DHX29: variants seen among roughly 807,000 people sequenced by gnomAD.
The protein encoded by DHX29 is ATP-dependent RNA helicase DHX29.
DHX29 carries 79 observed loss-of-function variants against 167.9 expected under a neutral mutation model. That is an observed-to-expected ratio of 0.47 (90% CI 0.39 to 0.57). The LOEUF is 0.57. Among genes scored for constraint, DHX29 ranks in the 20% least tolerant of loss-of-function variants. The pLI, the probability that DHX29 is intolerant of heterozygous loss-of-function variation, is 0.00. For synonymous variants in DHX29, 530 were observed against 546.0 expected, an observed-to-expected ratio of 0.97 and a Z score of 0.41; for missense variants, 1,347 against 1,593.4, an observed-to-expected ratio of 0.85 and a Z score of 2.63.
chr5:55,262,278 C>T (rs987095520), intron 24 of DHX29, among the ~76,000 whole-genome samples: 1 of 152,162 alleles, frequency 6.6e-6, no homozygotes, highest in African/African-American at 2.4e-5. Context: ...CAATATTCCC[C>T]TTATTTGGAA....
chr5:55,294,123 A>G lies in DHX29; in HGVS notation c.674T>C (p.Met225Thr), dbSNP rs768057985. The change falls in exon 6 of 27, where the codon ATG (methionine) becomes ACG (threonine). Residue 225 changes from methionine to threonine, a missense_variant. Physicochemically the swap from Met to Thr is moderately conservative, Grantham distance 81 (BLOSUM62 -1). Transcript: ENST00000251636. Reference protein sequence around the residue: ...KSKPKKEEKNMEVNMKEWILR... With the variant: ...KSKPKKEEKNTEVNMKEWILR... Reference sequence around the variant, plus strand: ...AATCCACTCTTTCATATTTACTTCCATATTTTTTTCTTCCTTTTTTGGCTA... The same window carrying G: ...AATCCACTCTTTCATATTTACTTCCGTATTTTTTTCTTCCTTTTTTGGCTA... 50 of 1,593,484 alleles carry G rather than the reference A, an allele frequency of 3.1e-5. No individual in the cohort carries two copies. In the African/African-American group the frequency reaches 6.1e-4, roughly 19 times the overall value.
intron 3 of DHX29, among the ~76,000 whole-genome samples, chr5:55,297,051 A>G: frequency 6.6e-6 from 1 of 152,234 alleles, no homozygotes; most frequent in East Asian, 1.9e-4. Flanking sequence ...CTAACATAGT[A>G]GGTGCTCAAT....
Position 55,269,505 on chromosome 5 carries a change from G to C in DHX29, c.3202C>G (p.Pro1068Ala). The C allele has an allele frequency of 6.2e-7, 1 of 1,614,122 alleles. No individual in the cohort carries two copies. Among genetic ancestry groups the C allele is most frequent in the Admixed American group, 1.7e-5 (1 of 60,016 alleles). ...ACELNEPKLTPLGQHLAALPV... is the reference protein window; with the variant it reads ...ACELNEPKLTALGQHLAALPV... ...AAAGCTGCAAGGTGTTGGCCCAACG[G>C]AGTCAGTTTAGGCTCATTTAATTCA... The change falls in exon 21 of 27, where the codon CCG becomes GCG. Residue 1068 changes from proline (P) to alanine (A), a missense_variant. Pro to Ala is a conservative substitution (Grantham distance 27, BLOSUM62 -1). Around this residue, in one of 3 missense-constraint regions of DHX29, gnomAD observed 882 missense variants for 1,082.4 expected, o/e 0.81. Transcript: ENST00000251636.
At chr5:55,282,690 C>CATAT (rs1747493289) in intron 11 of DHX29, among the ~76,000 whole-genome samples, 1 of 152,064 alleles carries the variant, frequency 6.6e-6, no homozygotes, top group South Asian at 2.1e-4. Context: ...GCCAGTTTTG[C>CATAT]ATATACTTGC....
At chr5:55,275,131 A>T in intron 14 of DHX29, 121 bp from the exon 15 acceptor site, 1 of 1,167,288 alleles carries the variant, frequency 8.6e-7, no homozygotes, top group South Asian at 1.5e-5. Flanking sequence ...TGTCACCATT[A>T]CTATTTTGTT....
At chr5:55,258,865 C>G (rs902611114) in intron 26 of DHX29, among the ~76,000 whole-genome samples, 3 of 152,052 alleles carry the variant, frequency 2.0e-5, no homozygotes, top group Non-Finnish European at 2.9e-5. Flanking sequence ...TTTCAGATTT[C>G]TGTTGAAGGA....
In DHX29 at chr5:55,281,459, C is replaced by A; in HGVS notation, c.2022G>T (p.Arg674Ser). 1 of 1,596,818 alleles carries A rather than the reference C, an allele frequency of 6.3e-7. No homozygotes were observed. Among genetic ancestry groups the A allele is most frequent in the Non-Finnish European group, 8.5e-7 (1 of 1,171,556 alleles). Residue 674 changes from arginine to serine, a missense_variant, in exon 12 of 27, where the codon AGG becomes AGT. This residue lies in a region of DHX29 where 882 missense variants were observed against 1,082.4 expected (regional missense o/e 0.81). Transcript: ENST00000251636. ...RMESRACEST[R>S]LLYCTTGVLL... is the part of the protein sequence containing the mutation. Reference sequence around the variant, plus strand: ...AAACCCCTGTTGTACAATAGAGTAACCTGGTAGATTCACAAGCTCGAGATT... The same window carrying A: ...AAACCCCTGTTGTACAATAGAGTAAACTGGTAGATTCACAAGCTCGAGATT...
chr5:55,292,739 C>A (rs2111943844), intron 6 of DHX29, among the ~76,000 whole-genome samples: 1 of 152,240 alleles, frequency 6.6e-6, no homozygotes, highest in East Asian at 1.9e-4. Context: ...CTGAAAGACT[C>A]CTTGTACAAT....
chr5:55,264,254 A>G (rs536025014), intron 23 of DHX29, among the ~76,000 whole-genome samples: 1 of 152,312 alleles, frequency 6.6e-6, no homozygotes, highest in South Asian at 2.1e-4. Context: ...CTGTCTTTAC[A>G]TTTTAACTAC....
At chr5:55,289,992 A>G (rs186776043) in intron 7 of DHX29, among the ~76,000 whole-genome samples, 32 of 152,344 alleles carry the variant, frequency 2.1e-4, no homozygotes, top group African/African-American at 7.0e-4. Flanking sequence ...TGTATGGTCT[A>G]TGGCTGCTTT....
rs112991342 is a variant in DHX29 at position 55,297,257 on chromosome 5, A to G, written c.375+28T>C. On this transcript the variant is annotated intron_variant, in intron 3 of 26. Coordinates refer to ENST00000251636, the MANE Select transcript of DHX29 (RefSeq NM_019030.4). ...TGTCTAAAAATGCTTCACTAAAACT[A>G]AGGAACTTTAAAAAGTTTGCAAAAT... 140 of 1,071,700 alleles carry G rather than the reference A, an allele frequency of 1.3e-4. No individual in the cohort carries two copies. In the African/African-American group the frequency reaches 1.7e-3, roughly 13 times the overall value. The allele number at this position is 1,071,700 out of a possible 1,614,324, so 66.4% of individuals were successfully genotyped here. A position where few individuals can be genotyped will look rare whatever the true frequency, so the allele number is the denominator to read the frequency against.
In DHX29 at chr5:55,298,628, G is replaced by T; in HGVS notation, c.224C>A (p.Ser75Tyr). 6.4e-7 allele frequency: 1 copy of T among 1,555,138 alleles called. No individual in the cohort carries two copies. Among genetic ancestry groups the T allele is most frequent in the Non-Finnish European group, 8.9e-7 (1 of 1,128,164 alleles). Residue 75 changes from serine to tyrosine, a missense_variant, in exon 2 of 27, where the codon TCT becomes TAT. Transcript: ENST00000251636. ...TTTATCCAGATTTGCAGGACCACTAGAATCATTTGTAGAATTAAAACTATA... is the reference window on the plus strand; with the variant it reads ...TTTATCCAGATTTGCAGGACCACTATAATCATTTGTAGAATTAAAACTATA... Reference protein sequence around the residue: ...KIYSFNSTNDSSGPANLDKSI... With the variant: ...KIYSFNSTNDYSGPANLDKSI...
intron 21 of DHX29, among the ~76,000 whole-genome samples, chr5:55,268,374 CAA>C (rs1026582624): frequency 1.3e-5 from 2 of 152,158 alleles, no homozygotes; most frequent in Admixed American, 6.5e-5. Context: ...AAATACCAAA[CAA>C]AGAGAGACTA....
rs1372936219 is a variant in DHX29, at chr5:55,277,205, G to A, written c.2187C>T (p.His729=). 1 of 1,611,468 alleles carries A rather than the reference G, an allele frequency of 6.2e-7. No individual in the cohort carries two copies. The highest frequency in any genetic ancestry group is 8.5e-7 in the Non-Finnish European group (1 of 1,177,760). Reference sequence around the variant, plus strand: ...CCACAGTGGCACTCATTAGAATCAAGTGTAGATCAGAACGTTTCTGTAAAA... The same window carrying A: ...CCACAGTGGCACTCATTAGAATCAAATGTAGATCAGAACGTTTCTGTAAAA... ...KEILQKRSDL[H]LILMSATVDS... The change falls in exon 13 of 27, where the codon CAC becomes CAT. Residue 729 remains histidine (H), a synonymous_variant. Transcript: ENST00000251636.
rs763067698 is a variant in DHX29, at chr5:55,270,667, C to T, written c.2904G>A (p.Thr968=). 16 of 1,613,636 alleles carry T rather than the reference C, an allele frequency of 9.9e-6. No homozygotes were observed. In the Admixed American group the frequency reaches 1.0e-4, roughly 10 times the overall value. The change falls in exon 19 of 27, where the codon ACG becomes ACA. Residue 968 remains threonine (T), a synonymous_variant. Transcript: ENST00000251636. The part of the protein sequence containing the change: ...ESSQMSSLVE[T]FVSKASALQR... ...GCAAAGCACTGGCTTTACTGACAAA[C>T]GTCTCCACCAAAGAACTCATCTGAC...
At chr5:55,284,821 TA>T (rs1747629948) in intron 10 of DHX29, among the ~76,000 whole-genome samples, 1 of 152,160 alleles carries the variant, frequency 6.6e-6, no homozygotes, top group African/African-American at 2.4e-5. Flanking sequence ...AAAACAAACT[TA>T]AAAAATTTTC....
chr5:55,303,451 G>T (rs888550811), intron 1 of DHX29, among the ~76,000 whole-genome samples: 5 of 152,322 alleles, frequency 3.3e-5, no homozygotes, highest in African/African-American at 1.2e-4. Context: ...CAAGAAAATA[G>T]ATGAGGGTGA....
chr5:55,285,447 TAA>T (rs1747671674), intron 9 of DHX29, 31 bp from the exon 10 acceptor site: 2 of 1,564,410 alleles, frequency 1.3e-6, no homozygotes, highest in Non-Finnish European at 1.7e-6. Context: ...TTTAAAAAAA[TAA>T]AGTTGACAAA....
At chr5:55,265,844 A>C (rs895337844) in intron 23 of DHX29, among the ~76,000 whole-genome samples, 1 of 152,194 alleles carries the variant, frequency 6.6e-6, no homozygotes, top group African/African-American at 2.4e-5. Flanking sequence ...AAGGAGTACA[A>C]GTAGATTGAC....
Sources: gnomAD v4.1 joint callset for allele counts (sites outside exome capture counted in the v4.1 genomes callset) on GRCh38, gnomAD v4.1.1 for gene constraint, gnomAD v4.1.1 regional missense constraint, MANE v1.5 for transcripts, NCBI Gene and HGNC (gene_info 2026-07-23, HGNC 2026-07-21) for gene names.